Variants in NWD1 observed in about 807,000 individuals in gnomAD.
NWD1 encodes the protein NACHT and WD repeat domain containing 1, also known as NACHT domain- and WD repeat-containing protein 1.
NWD1 carries 129 observed loss-of-function variants against 135.1 expected under a neutral mutation model. The ratio of observed to expected loss-of-function variants is 0.96; its 90% CI spans 0.83 to 1.11. NWD1 has a LOEUF of 1.11. NWD1 is among the 50% of genes least tolerant of loss of function. The pLI, the probability that NWD1 is intolerant of heterozygous loss-of-function variation, is 0.00. For synonymous variants in NWD1, 773 were observed against 786.0 expected, an observed-to-expected ratio of 0.98 and a Z score of 0.28; for missense variants, 1,740 against 1,851.3, an observed-to-expected ratio of 0.94 and a Z score of 1.10.
At chr19:16,732,598 A>ATTTTT (rs139987064) in intron 3 of NWD1, among the ~76,000 whole-genome samples, 50,844 of 115,274 alleles carry the variant, frequency 0.44, 13,009 homozygotes, top group Non-Finnish European at 0.51. Flanking sequence ...CTGGCTAGGG[A>ATTTTT]ATTTTTTTTT....
At chr19:16,793,900 A>C (rs1970334117) in intron 14 of NWD1, among the ~76,000 whole-genome samples, 2 of 151,874 alleles carry the variant, frequency 1.3e-5, no homozygotes. Context: ...TTAATTTAAA[A>C]AATTTTTTAG....
At chr19:16,743,313 C>T (rs890720630) in intron 4 of NWD1, among the ~76,000 whole-genome samples, 4 of 152,132 alleles carry the variant, frequency 2.6e-5, no homozygotes, top group East Asian at 3.9e-4. Context: ...TGAGCTCAAG[C>T]GGTCCTCCAG....
chr19:16,799,582 T>C (rs188420844), intron 16 of NWD1, among the ~76,000 whole-genome samples: 1 of 148,886 alleles, frequency 6.7e-6, no homozygotes, highest in East Asian at 2.0e-4. Flanking sequence ...TCTTGGCTCA[T>C]TGCAAACTCC....
chr19:16,777,103 A>G (rs1342757844), intron 11 of NWD1, among the ~76,000 whole-genome samples: 1 of 6,332 alleles, frequency 1.6e-4, no homozygotes, highest in Non-Finnish European at 2.9e-4. Context: ...GGAAGGGGAA[A>G]GGGGAAGAAA....
chr19:16,733,673 A>G (rs1967673336), intron 3 of NWD1, among the ~76,000 whole-genome samples: 1 of 152,180 alleles, frequency 6.6e-6, no homozygotes, highest in Non-Finnish European at 1.5e-5. Flanking sequence ...ACATAGTTCA[A>G]TGTCAAAGGC....
chr19:16,815,680 C>A lies in NWD1; in HGVS notation c.*641C>A. The stretch of plus-strand genomic sequence containing the variant: ...ACCAATTATTATATCTGGGAGAATG[C>A]AGAGCTCTAATCGGCTAGACTGATC... On this transcript the variant is annotated 3_prime_UTR_variant, in exon 19 of 19. Coordinates refer to ENST00000524140, the MANE Select transcript of NWD1 (RefSeq NM_001007525.5). 4.6e-6 allele frequency: 1 copy of A among 217,862 alleles called. No homozygotes were observed. Among genetic ancestry groups the A allele is most frequent in the Non-Finnish European group, 9.2e-6 (1 of 109,086 alleles). The allele number at this position is 217,862 out of a possible 1,614,324, so 13.5% of individuals were successfully genotyped here.
At chr19:16,773,376 G>T in intron 11 of NWD1, 53 bp downstream of exon 11, 2 of 1,489,782 alleles carry the variant, frequency 1.3e-6, no homozygotes, top group East Asian at 2.3e-5. Context: ...TTGCCTGGGG[G>T]CAGTGAAGGC....
At chr19:16,739,189 A>G (rs138941301) in intron 4 of NWD1, among the ~76,000 whole-genome samples, 3,416 of 76,232 alleles carry the variant, frequency 0.045, 100 homozygotes, top group Admixed American at 0.13. Flanking sequence ...TGAGTTTCCA[A>G]GAAAAAAAAA....
chr19:16,800,183 G>A, intron 17 of NWD1, 21 bp downstream of exon 17: 4 of 1,579,346 alleles, frequency 2.5e-6, no homozygotes, highest in Middle Eastern at 3.4e-4. Flanking sequence ...TATAAGTATG[G>A]TCATTTTTGT....
chr19:16,775,594 A>G (rs1165448246), intron 11 of NWD1, among the ~76,000 whole-genome samples: 3 of 151,968 alleles, frequency 2.0e-5, no homozygotes, highest in Admixed American at 6.6e-5. Context: ...AAATATTTCC[A>G]CTCCTGTCTC....
At chr19:16,786,738 G>C (rs551925370) in intron 12 of NWD1, among the ~76,000 whole-genome samples, 1 of 152,034 alleles carries the variant, frequency 6.6e-6, no homozygotes, top group African/African-American at 2.4e-5. Flanking sequence ...GTAGAGACGG[G>C]GTTTTGCCTT....
chr19:16,756,848 C>T (rs1968818583), intron 6 of NWD1, among the ~76,000 whole-genome samples: 1 of 152,154 alleles, frequency 6.6e-6, no homozygotes, highest in South Asian at 2.1e-4. Flanking sequence ...ACTCCCATTA[C>T]CACCCGAGCT....
In NWD1 at chr19:16,815,332, A is replaced by C. The variant is rs773109765; in HGVS notation, c.*293A>C. On this transcript the variant is annotated 3_prime_UTR_variant, in exon 19 of 19. Coordinates refer to ENST00000524140, the MANE Select transcript of NWD1 (RefSeq NM_001007525.5). The stretch of plus-strand genomic sequence containing the variant: ...CACAAGTGTGCCTGATAGTGTAAAA[A>C]AATAAAAATAAAAAAACCCTGTGGG... The C allele has an allele frequency of 1.3e-6, 1 of 746,156 alleles. No homozygotes were observed. Among genetic ancestry groups the C allele is most frequent in the East Asian group, 2.5e-5 (1 of 40,416 alleles). 46.2% of individuals were successfully genotyped at this position (746,156 alleles called of 1,614,324 possible). A position where few individuals can be genotyped will look rare whatever the true frequency, so the allele number is the denominator to read the frequency against.
At chr19:16,752,040 G>A (rs1313174757) in intron 6 of NWD1, among the ~76,000 whole-genome samples, 1 of 150,786 alleles carries the variant, frequency 6.6e-6, no homozygotes. Flanking sequence ...GAGAGGAAGG[G>A]GTTAATCAGA....
Position 16,807,696 on chromosome 19 carries a change from C to T in NWD1, c.3847C>T (p.Pro1283Ser). ...CGTGTCGGGGGTCGTCCTTGTGTTC[C>T]CCCTGAATTCCAGGCAGGACGTGAT... ...GLVSGVVLVF[P>S]LNSRQDVICI... Residue 1283 changes from proline (P) to serine (S), a missense_variant, in exon 18 of 19, where the codon CCC becomes TCC. Physicochemically the swap from Pro to Ser is moderately conservative, Grantham distance 74. Coordinates refer to ENST00000524140, the MANE Select transcript of NWD1 (RefSeq NM_001007525.5). The T allele has an allele frequency of 1.2e-6, 2 of 1,612,930 alleles. No homozygotes were observed. Among genetic ancestry groups the T allele is most frequent in the Non-Finnish European group, 1.7e-6 (2 of 1,179,430 alleles).
At chr19:16,779,051 C>T (rs112627235) in intron 11 of NWD1, among the ~76,000 whole-genome samples, 31 of 152,236 alleles carry the variant, frequency 2.0e-4, no homozygotes, top group African/African-American at 6.7e-4. Flanking sequence ...CTCCAGAAAC[C>T]GATATGTGTC....
At chr19:16,735,240 G>A (rs1370555179) in intron 3 of NWD1, among the ~76,000 whole-genome samples, 2 of 152,056 alleles carry the variant, frequency 1.3e-5, no homozygotes, top group Admixed American at 1.3e-4. Flanking sequence ...GCAGTAGCTC[G>A]TGCCTGTAAT....
chr19:16,791,303 T>C, intron 13 of NWD1, 47 bp from the exon 14 acceptor site: 1 of 1,579,360 alleles, frequency 6.3e-7, no homozygotes, highest in Non-Finnish European at 8.7e-7. Flanking sequence ...AAACTTGTAG[T>C]CTAGGTCTCC....
At chr19:16,764,072 A>T in intron 9 of NWD1, 127 bp downstream of exon 9, 1 of 629,418 alleles carries the variant, frequency 1.6e-6, no homozygotes, top group South Asian at 1.8e-5. Flanking sequence ...AGAGGTTCTC[A>T]CAAGGGGCAA....
Sources: gnomAD v4.1 joint callset for allele counts (sites outside exome capture counted in the v4.1 genomes callset) on GRCh38, gnomAD v4.1.1 for gene constraint, MANE v1.5 for transcripts, NCBI Gene and HGNC (gene_info 2026-07-23, HGNC 2026-07-21) for gene names.